PAK3: variants seen among roughly 807,000 people sequenced by gnomAD.
PAK3 encodes the protein serine/threonine-protein kinase PAK 3.
A neutral mutation model predicts 41.0 loss-of-function variants in PAK3; 4 were observed. The ratio of observed to expected loss-of-function variants is 0.10; its 90% CI spans 0.05 to 0.22. The LOEUF is 0.22. Ranked by LOEUF, PAK3 falls within the 10% of genes least tolerant of loss-of-function variation. PAK3 has a pLI of 1.00. For missense variants in PAK3, 205 were observed against 409.9 expected (o/e 0.50, Z 4.32); for synonymous variants, 146 against 139.6 (o/e 1.05, Z -0.32).
At chrX:111,107,469 C>G (rs1159801006) in intron 4 of PAK3, among the ~76,000 whole-genome samples, 2 of 112,188 alleles carry the variant, frequency 1.8e-5, no homozygotes, top group African/African-American at 6.5e-5. Flanking sequence ...CTGTAGATTT[C>G]CCTGCAAGTG....
chrX:110,960,700 C>T (rs1030500415), intron 1 of PAK3, among the ~76,000 whole-genome samples: 6 of 111,366 alleles, frequency 5.4e-5, no homozygotes, highest in Non-Finnish European at 9.4e-5. Context: ...TCCTTGATAT[C>T]AGTTATCTCC....
At chrX:111,033,915 A>G (rs1233780680) in intron 1 of PAK3, among the ~76,000 whole-genome samples, 2 of 110,422 alleles carry the variant, frequency 1.8e-5, no homozygotes, top group Non-Finnish European at 3.8e-5. Context: ...GAGGAGCATT[A>G]TCTCATATAC....
upstream of PAK3, among the ~76,000 whole-genome samples, chrX:111,094,868 T>C (rs2092960555): frequency 9.1e-6 from 1 of 109,682 alleles, no homozygotes; most frequent in Admixed American, 9.7e-5. Context: ...TTTGTATTTT[T>C]AGTAGAGACG....
chrX:111,038,884 C>A (rs928991225), intron 1 of PAK3, among the ~76,000 whole-genome samples: 18 of 111,635 alleles, frequency 1.6e-4, no homozygotes, highest in Non-Finnish European at 3.0e-4. Context: ...GGAGGGAGTT[C>A]TTTGATGGGT....
At chrX:111,083,494 G>A (rs976328969) in intron 1 of PAK3, among the ~76,000 whole-genome samples, 1 of 112,164 alleles carries the variant, frequency 8.9e-6, no homozygotes, top group Admixed American at 9.4e-5. Flanking sequence ...TTATGACAAG[G>A]CTAGATTTTG....
intron 1 of PAK3, among the ~76,000 whole-genome samples, chrX:110,987,831 G>T (rs753452060): frequency 4.5e-5 from 5 of 111,181 alleles, no homozygotes; most frequent in Non-Finnish European, 7.5e-5. Flanking sequence ...ATTGTTGGAA[G>T]AGTCAATGCA....
chrX:111,004,573 T>G (rs1339335600), intron 1 of PAK3, among the ~76,000 whole-genome samples: 2 of 112,613 alleles, frequency 1.8e-5, no homozygotes, highest in Non-Finnish European at 3.8e-5. Flanking sequence ...TTATATCCTA[T>G]GAAAACACTT....
intron 1 of PAK3, among the ~76,000 whole-genome samples, chrX:111,019,156 AG>A (rs1248476324): frequency 9.0e-6 from 1 of 111,472 alleles, no homozygotes; most frequent in Non-Finnish European, 1.9e-5. Context: ...AAGAAAACAT[AG>A]GGGAAAATCT....
chrX:111,119,741 T>C (rs1276653110), intron 4 of PAK3, among the ~76,000 whole-genome samples: 2 of 112,316 alleles, frequency 1.8e-5, no homozygotes, highest in East Asian at 5.6e-4. Context: ...TTTTTAAATA[T>C]GTTTGTGGAA....
intron 1 of PAK3, among the ~76,000 whole-genome samples, chrX:111,080,546 G>GA (rs2092825895): frequency 8.9e-6 from 1 of 112,283 alleles, no homozygotes; most frequent in Non-Finnish European, 1.9e-5. Flanking sequence ...ACATTTGTAT[G>GA]AATCACTTCA....
At chrX:111,150,759 C>T (rs2094015199) in intron 7 of PAK3, among the ~76,000 whole-genome samples, 2 of 111,745 alleles carry the variant, frequency 1.8e-5, no homozygotes, top group Admixed American at 1.9e-4. Context: ...CAAACCATAT[C>T]TGCAACTGAA....
Position 111,046,627 on chromosome X carries a change from G to A in PAK3, c.-27-76450G>A, listed in dbSNP as rs770593598. 7.2e-5 allele frequency among the ~76,000 whole-genome samples: 8 copies of A among 111,442 alleles called. No individual in the cohort carries two copies. In the East Asian group the frequency reaches 1.4e-3, roughly 20 times the overall value. ...AGCAACTTGCTACCTATGTAACCTC[G>A]GACAAGTCACTTAACCTCTATATGC... On this transcript the variant is annotated intron_variant, in intron 1 of 14. Coordinates refer to the PAK3 transcript ENST00000425146.
intron 1 of PAK3, among the ~76,000 whole-genome samples, chrX:110,947,545 C>T (rs1419562201): frequency 8.9e-6 from 1 of 111,965 alleles, no homozygotes; most frequent in South Asian, 3.8e-4. Flanking sequence ...CACACACAAA[C>T]ACACAGGGTT....
intron 16 of PAK3, among the ~76,000 whole-genome samples, chrX:111,198,973 T>C (rs2094647978): frequency 8.9e-6 from 1 of 111,803 alleles, no homozygotes; most frequent in African/African-American, 3.2e-5. Flanking sequence ...GGAAAGTTTT[T>C]CCATTTGTTT....
chrX:111,072,350 T>G (rs1260579232), intron 1 of PAK3, among the ~76,000 whole-genome samples: 1 of 112,825 alleles, frequency 8.9e-6, no homozygotes, highest in East Asian at 2.8e-4. Context: ...AACCCGGTAA[T>G]CAATCACATC....
chrX:111,140,245 A>G (rs2093852546), intron 5 of PAK3, among the ~76,000 whole-genome samples: 1 of 112,037 alleles, frequency 8.9e-6, no homozygotes, highest in African/African-American at 3.2e-5. Context: ...AAAGAAATGT[A>G]GAAGGCCAAA....
chrX:111,034,646 C>A (rs749249180), intron 1 of PAK3, among the ~76,000 whole-genome samples: 2 of 111,534 alleles, frequency 1.8e-5, no homozygotes, highest in South Asian at 3.8e-4. Flanking sequence ...AGGTGCTGCA[C>A]CCCCTTGAAA....
chrX:110,980,848 C>T (rs1355899066), intron 1 of PAK3, among the ~76,000 whole-genome samples: 1 of 112,349 alleles, frequency 8.9e-6, no homozygotes, highest in Non-Finnish European at 1.9e-5. Flanking sequence ...GGGTGTGGGG[C>T]ATGACCCTCT....
intron 10 of PAK3, among the ~76,000 whole-genome samples, chrX:111,165,561 C>T (rs1395971109): frequency 1.8e-5 from 2 of 111,982 alleles, no homozygotes; most frequent in Admixed American, 9.5e-5. Context: ...TCTGCATATC[C>T]GAACTGTCTA....
Sources: gnomAD v4.1 joint callset for allele counts (sites outside exome capture counted in the v4.1 genomes callset) on GRCh38, gnomAD v4.1.1 for gene constraint, MANE v1.5 for transcripts, NCBI Gene and HGNC (gene_info 2026-07-23, HGNC 2026-07-21) for gene names.